The following STOX2 variants were observed in gnomAD, a reference collection of about 807,000 sequenced individuals.
STOX2 encodes the protein storkhead-box protein 2.
In STOX2, 28 loss-of-function variants were observed where a neutral mutation model predicts 60.9. That is an observed-to-expected ratio of 0.46 (90% confidence interval 0.34 to 0.63). The LOEUF is 0.63. STOX2 is among the 30% of genes least tolerant of loss of function. STOX2 has a pLI of 0.01. For synonymous variants in STOX2, 472 were observed against 463.9 expected, an observed-to-expected ratio of 1.02 and a Z score of -0.22; for missense variants, 1,024 against 1,187.7, an observed-to-expected ratio of 0.86 and a Z score of 2.03.
chr4:183,933,619 C>T (rs1004424527), intron 1 of STOX2, among the ~76,000 whole-genome samples: 1 of 152,118 alleles, frequency 6.6e-6, no homozygotes, highest in Non-Finnish European at 1.5e-5. Context: ...GAACTCCTGA[C>T]CTCAGGTGAT....
chr4:183,943,375 T>C (rs1742801996), intron 1 of STOX2, among the ~76,000 whole-genome samples: 1 of 152,238 alleles, frequency 6.6e-6, no homozygotes, highest in Non-Finnish European at 1.5e-5. Flanking sequence ...GAATAAATCA[T>C]ACCTATTATG....
chr4:183,923,107 C>T (rs1742148515), intron 1 of STOX2, among the ~76,000 whole-genome samples: 1 of 152,230 alleles, frequency 6.6e-6, no homozygotes, highest in African/African-American at 2.4e-5. Flanking sequence ...AAAGAACTGG[C>T]AAGTCCCTGC....
At position 184,010,192 on chromosome 4, in the gene STOX2, G is replaced by C; in HGVS notation, c.1354G>C (p.Glu452Gln). 1.9e-6 allele frequency: 3 copies of C among 1,554,894 alleles called. No homozygotes were observed. The highest frequency in any genetic ancestry group is 2.6e-6 in the Non-Finnish European group (3 of 1,148,776). ...VSGELAKRRT[E>Q]MPFPEPSRGS... is the part of the protein sequence containing the mutation. Reference sequence around the variant, plus strand: ...TGGTGAATTGGCTAAAAGGAGAACTGAGATGCCTTTTCCTGAACCTTCTAG... The same window carrying C: ...TGGTGAATTGGCTAAAAGGAGAACTCAGATGCCTTTTCCTGAACCTTCTAG... Residue 452 changes from glutamate (E) to glutamine (Q), a missense_variant, in exon 3 of 4, where the codon GAG becomes CAG. Physicochemically the swap from Glu to Gln is conservative, Grantham distance 29. Around this residue, in one of 3 missense-constraint regions of STOX2, gnomAD observed 922 missense variants for 1,058.3 expected, o/e 0.87. Transcript: ENST00000308497. This position sits in a 1 kb window ranked among gnomAD's most constrained non-coding sequence, Gnocchi z 4.5.
chr4:183,937,271 T>A (rs1742615341), intron 1 of STOX2, among the ~76,000 whole-genome samples: 1 of 152,244 alleles, frequency 6.6e-6, no homozygotes, highest in African/African-American at 2.4e-5. Context: ...ACCTGTCATT[T>A]AAAAAATTTA....
chr4:184,001,650 C>CA lies in STOX2; in HGVS notation c.319+179dup, dbSNP rs547865443. On this transcript the variant is annotated intron_variant, in intron 2 of 3. Coordinates refer to ENST00000308497, the MANE Select transcript of STOX2 (RefSeq NM_020225.3). The surrounding 1 kb of genome is among the most constrained non-coding windows in gnomAD (Gnocchi z 4.2). ...AAAAATTCAGGCACCTGCATGACAT[C>CA]AAAAAATAACTTAACTGCTTCAGCT... is the stretch of plus-strand genomic sequence containing the variant. 1.2e-3 allele frequency among the ~76,000 whole-genome samples: 184 copies of CA among 152,170 alleles called. 1 individual carries two copies. Among genetic ancestry groups the CA allele is most frequent in the African/African-American group, 3.6e-3 (148 of 41,532 alleles).
intron 1 of STOX2, among the ~76,000 whole-genome samples, chr4:183,884,600 C>T (rs1310824453): frequency 1.3e-5 from 2 of 152,106 alleles, no homozygotes; most frequent in African/African-American, 2.4e-5. Context: ...TTTGTGAAGG[C>T]GTTTCTCATT....
chr4:183,899,823 T>C (rs1052826126), intron 1 of STOX2, among the ~76,000 whole-genome samples: 2 of 152,208 alleles, frequency 1.3e-5, no homozygotes, highest in African/African-American at 2.4e-5. Context: ...GTATTTTCAA[T>C]GTAGACAGAA....
intron 1 of STOX2, among the ~76,000 whole-genome samples, chr4:183,834,619 G>A (rs182223026): frequency 1.3e-5 from 2 of 152,246 alleles, no homozygotes; most frequent in Admixed American, 6.5e-5. Context: ...CCCAGTTGTC[G>A]CTCAGAATAG....
chr4:183,890,304 G>A (rs1164596923), intron 1 of STOX2, among the ~76,000 whole-genome samples: 1 of 152,074 alleles, frequency 6.6e-6, no homozygotes, highest in Non-Finnish European at 1.5e-5. Context: ...CCAACATGGT[G>A]AAATCCCGTC....
chr4:184,012,467 T>C (rs554341166), intron 3 of STOX2, among the ~76,000 whole-genome samples: 16 of 152,356 alleles, frequency 1.1e-4, no homozygotes, highest in African/African-American at 3.1e-4. Context: ...ATTAATTCCG[T>C]TGTGATCTTT....
At chr4:183,949,631 T>C (rs1300810873) in intron 1 of STOX2, among the ~76,000 whole-genome samples, 1 of 152,032 alleles carries the variant, frequency 6.6e-6, no homozygotes, top group Non-Finnish European at 1.5e-5. Context: ...CCGGGAGATG[T>C]AGGTTGCAGT....
intron 1 of STOX2, among the ~76,000 whole-genome samples, chr4:183,981,867 T>A (rs1579501391): frequency 6.6e-6 from 1 of 151,996 alleles, no homozygotes; most frequent in Admixed American, 6.6e-5. Context: ...ACCCAGGAGG[T>A]AGAGAGGGTG....
In STOX2 at chr4:184,020,874, C is replaced by T. The variant is rs555936925; in HGVS notation, c.*3590C>T. 1 of 152,274 alleles carries T rather than the reference C, an allele frequency of 6.6e-6. No homozygotes were observed. Among genetic ancestry groups the T allele is most frequent in the Non-Finnish European group, 1.5e-5 (1 of 68,020 alleles). 9.4% of individuals were successfully genotyped at this position (152,274 alleles called of 1,614,324 possible). A position where few individuals can be genotyped will look rare whatever the true frequency, so the allele number is the denominator to read the frequency against. On this transcript the variant is annotated 3_prime_UTR_variant, in exon 4 of 4. Transcript: ENST00000308497. ...CAGGTCCCTCTTTTTCATAGCCCAA[C>T]CAGCATCTAAAATGTAAATTTAAAT...
At position 183,885,926 on chromosome 4, in the gene STOX2, C is replaced by G. The variant is rs1254319927; in HGVS notation, c.364+87871C>G. Among the ~76,000 whole-genome samples, 7 of 152,224 alleles carry G rather than the reference C, an allele frequency of 4.6e-5. No individual in the cohort carries two copies. The South Asian group carries it at 1.2e-3, about 27-fold the overall frequency. ...TGAAACTGTTGGCCGAGGGAGGGAA[C>G]CCTTTCCTGGCCCCAGCTTATGAGT... On this transcript the variant is annotated intron_variant, in intron 1 of 2. Coordinates refer to the STOX2 transcript ENST00000513034.
intron 1 of STOX2, among the ~76,000 whole-genome samples, chr4:183,976,298 C>A (rs776457178): frequency 6.6e-6 from 1 of 151,744 alleles, no homozygotes; most frequent in Non-Finnish European, 1.5e-5. Context: ...GGCAACAGAG[C>A]GAGACTGCGT....
chr4:183,813,551 A>G (rs1446083860), intron 1 of STOX2, among the ~76,000 whole-genome samples: 1 of 152,158 alleles, frequency 6.6e-6, no homozygotes, highest in Non-Finnish European at 1.5e-5. Flanking sequence ...GGATTTTCGT[A>G]TTCTTGGTAT....
At chr4:183,871,506 G>T (rs116393856) in intron 1 of STOX2, among the ~76,000 whole-genome samples, 1,642 of 152,198 alleles carry the variant, frequency 0.011, 32 homozygotes, top group African/African-American at 0.038. Context: ...ACAGGCTTTT[G>T]TGCCAGAAAA....
intron 1 of STOX2, among the ~76,000 whole-genome samples, chr4:183,861,971 C>T (rs986938633): frequency 6.6e-6 from 1 of 152,156 alleles, no homozygotes; most frequent in African/African-American, 2.4e-5. Context: ...CACACGATTT[C>T]CCCTTCCCTT....
intron 1 of STOX2, among the ~76,000 whole-genome samples, chr4:183,814,517 G>A (rs979673853): frequency 3.9e-5 from 6 of 152,162 alleles, no homozygotes; most frequent in Admixed American, 6.5e-5. Context: ...GGACTGCATC[G>A]GGACCAGGTC....
Sources: gnomAD v4.1 joint callset for allele counts (sites outside exome capture counted in the v4.1 genomes callset) on GRCh38, gnomAD v4.1.1 for gene constraint, gnomAD v4.1.1 regional missense constraint, Gnocchi (gnomAD v3.1) non-coding constraint, MANE v1.5 for transcripts, NCBI Gene and HGNC (gene_info 2026-07-23, HGNC 2026-07-21) for gene names.